CDIN1: variants seen among roughly 807,000 people sequenced by gnomAD.
CDIN1 encodes CDAN1-interacting nuclease 1.
Under a neutral mutation model 45.3 loss-of-function variants are expected in CDIN1, and 33 were observed. The ratio of observed to expected loss-of-function variants is 0.73; its 90% CI spans 0.55 to 0.97. The LOEUF (loss-of-function observed/expected upper bound fraction) is 0.97, where lower values mean the gene tolerates loss of function less well. Ranked by LOEUF, CDIN1 falls within the 50% of genes least tolerant of loss-of-function variation. The pLI, the probability that CDIN1 is intolerant of heterozygous loss-of-function variation, is 0.00. For synonymous variants in CDIN1, 118 were observed against 124.4 expected (o/e 0.95, Z 0.34); for missense variants, 303 against 339.4 (o/e 0.89, Z 0.84).
chr15:36,589,328 G>C (rs1004553169), intron 1 of CDIN1, among the ~76,000 whole-genome samples: 1 of 152,048 alleles, frequency 6.6e-6, no homozygotes, highest in East Asian at 1.9e-4. Flanking sequence ...AAGAGTAAAT[G>C]CTTCTTTATT....
rs74556045 is a variant in CDIN1, at chr15:36,609,365, G to A, written c.101+29404G>A. The stretch of plus-strand genomic sequence containing the variant: ...AAGTTGACAATTTGATAGGGGTGAT[G>A]TTAGTAAAGTGCTAAAAATAAAAAC... On this transcript the variant is annotated intron_variant, in intron 1 of 10. Transcript: ENST00000566621. 2.6e-3 allele frequency among the ~76,000 whole-genome samples: 391 copies of A among 152,258 alleles called. 4 individuals carry two copies. Among genetic ancestry groups the A allele is most frequent in the Non-Finnish European group, 4.3e-3 (293 of 68,030 alleles).
chr15:36,703,572 T>TA (rs1566915348), intron 8 of CDIN1, among the ~76,000 whole-genome samples: 4 of 151,630 alleles, frequency 2.6e-5, no homozygotes, highest in African/African-American at 7.3e-5. Flanking sequence ...GACAGCAGAA[T>TA]AAAAAATCTC....
chr15:36,738,690 C>T (rs922868216), intron 10 of CDIN1, among the ~76,000 whole-genome samples: 31 of 152,186 alleles, frequency 2.0e-4, no homozygotes, highest in Admixed American at 2.0e-3. Flanking sequence ...CACATCACCA[C>T]CTTCTCAGAC....
chr15:36,784,632 C>G (rs2054441896), intron 10 of CDIN1, among the ~76,000 whole-genome samples: 1 of 152,194 alleles, frequency 6.6e-6, no homozygotes, highest in African/African-American at 2.4e-5. Flanking sequence ...CTCCACACTT[C>G]ACGGAGATTT....
At chr15:36,591,621 G>A (rs747623516) in intron 1 of CDIN1, among the ~76,000 whole-genome samples, 1 of 152,074 alleles carries the variant, frequency 6.6e-6, no homozygotes, top group Non-Finnish European at 1.5e-5. Flanking sequence ...CATGTTGGTG[G>A]GTGCACTTGG....
At chr15:36,610,279 T>G (rs1013344644) in intron 1 of CDIN1, among the ~76,000 whole-genome samples, 4 of 152,244 alleles carry the variant, frequency 2.6e-5, no homozygotes, top group Admixed American at 6.5e-5. Flanking sequence ...AATTGTGGTG[T>G]TGTAGAGAAG....
chr15:36,640,590 TG>T, intron 1 of CDIN1: 1 of 983,162 alleles, frequency 1.0e-6, no homozygotes, highest in African/African-American at 1.7e-5. Context: ...TTTACTTCCT[TG>T]TGGTCTTTTT....
chr15:36,717,242 TAAAA>T (rs1344352808), intron 10 of CDIN1, among the ~76,000 whole-genome samples: 2 of 152,174 alleles, frequency 1.3e-5, no homozygotes, highest in Non-Finnish European at 2.9e-5. Flanking sequence ...TATAAACCTA[TAAAA>T]TTGTTACCAT....
chr15:36,653,554 T>C (rs2140448689), intron 3 of CDIN1, among the ~76,000 whole-genome samples: 1 of 152,000 alleles, frequency 6.6e-6, no homozygotes, highest in South Asian at 2.1e-4. Flanking sequence ...AGTGAGAGGA[T>C]AATGAGAGCT....
At chr15:36,739,058 C>T (rs915482092) in intron 10 of CDIN1, among the ~76,000 whole-genome samples, 1 of 152,054 alleles carries the variant, frequency 6.6e-6, no homozygotes, top group Non-Finnish European at 1.5e-5. Context: ...ATATATATGC[C>T]ATGGAAAATA....
rs2038867764 is a variant in CDIN1, at chr15:36,615,970, T to C, written c.102-28308T>C. ...TTCTGAAGAACATTTGCCTTCACAG[T>C]GTTTCAATTCAGTCTAACATTGGAC... On this transcript the variant is annotated intron_variant, in intron 1 of 10. Coordinates refer to ENST00000566621, the MANE Select transcript of CDIN1 (RefSeq NM_001321759.2). Among the ~76,000 whole-genome samples, 3 of 152,220 alleles carry C rather than the reference T, an allele frequency of 2.0e-5. No individual in the cohort carries two copies. The South Asian group carries it at 6.2e-4, about 32-fold the overall frequency.
chr15:36,719,491 A>G (rs2043333611), intron 10 of CDIN1, among the ~76,000 whole-genome samples: 1 of 152,160 alleles, frequency 6.6e-6, no homozygotes, highest in Non-Finnish European at 1.5e-5. Context: ...ATGAAGCAAT[A>G]CACTTTTTAT....
At chr15:36,707,051 T>G (rs2042893063) in intron 8 of CDIN1, 1 of 152,070 alleles carries the variant, frequency 6.6e-6, no homozygotes, top group South Asian at 2.1e-4. Flanking sequence ...TCGTCCTTTC[T>G]TAGATCTAGG....
chr15:36,760,003 C>A (rs117184933), intron 10 of CDIN1, among the ~76,000 whole-genome samples: 1 of 152,144 alleles, frequency 6.6e-6, no homozygotes, highest in Non-Finnish European at 1.5e-5. Flanking sequence ...GACATACAGC[C>A]AAATCATATC....
At chr15:36,638,288 C>G (rs975899820) in intron 1 of CDIN1, among the ~76,000 whole-genome samples, 1 of 152,054 alleles carries the variant, frequency 6.6e-6, no homozygotes, top group African/African-American at 2.4e-5. Flanking sequence ...AAATTATAGT[C>G]CAGAATGAAT....
chr15:36,590,169 TTTG>T (rs2037508378), intron 1 of CDIN1, among the ~76,000 whole-genome samples: 1 of 152,106 alleles, frequency 6.6e-6, no homozygotes, highest in Admixed American at 6.5e-5. Context: ...CAAGTAAAAG[TTTG>T]TTTGCTTTTT....
intron 10 of CDIN1, among the ~76,000 whole-genome samples, chr15:36,787,365 C>A (rs2054518463): frequency 6.6e-6 from 1 of 152,210 alleles, no homozygotes. Context: ...GCTTTTCAAG[C>A]ATTTCAGTGT....
chr15:36,617,605 A>T, intron 1 of CDIN1: 1 of 774,054 alleles, frequency 1.3e-6, no homozygotes, highest in Admixed American at 1.7e-5. Flanking sequence ...CCCTGATGTA[A>T]TTCTTGAAGT....
chr15:36,781,524 A>G (rs1225989854), intron 10 of CDIN1, among the ~76,000 whole-genome samples: 1 of 152,208 alleles, frequency 6.6e-6, no homozygotes, highest in Non-Finnish European at 1.5e-5. Context: ...TGCACATCCA[A>G]AGAAACAATA....
Sources: allele counts gnomAD v4.1 joint callset (sites outside exome capture counted in the v4.1 genomes callset), GRCh38; gene constraint gnomAD v4.1.1; transcripts MANE v1.5; gene names NCBI Gene and HGNC (gene_info 2026-07-23, HGNC 2026-07-21).